The following CALN1 variants were observed in gnomAD, a reference collection of about 807,000 sequenced individuals.
The protein encoded by CALN1 is calneuron 1, also known as calcium-binding protein 8.
A neutral mutation model predicts 30.6 loss-of-function variants in CALN1; 17 were observed. That is an observed-to-expected ratio of 0.56 (90% CI 0.38 to 0.83). The LOEUF is 0.83. Ranked by LOEUF, CALN1 falls within the 40% of genes least tolerant of loss-of-function variation. The probability of loss-of-function intolerance (pLI) is 0.00; values close to 1 mark genes in which losing one functional copy is unlikely to be tolerated. For synonymous variants in CALN1, 156 were observed against 131.4 expected (o/e 1.19, Z -1.28); for missense variants, 291 against 354.9 (o/e 0.82, Z 1.45).
intron 1 of CALN1, among the ~76,000 whole-genome samples, chr7:72,434,552 A>C (rs1023494178): frequency 1.2e-4 from 18 of 151,582 alleles, no homozygotes; most frequent in African/African-American, 3.9e-4. Flanking sequence ...AAGGAGAAGG[A>C]GGGGAAGAGG....
chr7:72,052,255 T>C (rs944508347), intron 4 of CALN1, among the ~76,000 whole-genome samples: 2 of 152,088 alleles, frequency 1.3e-5, no homozygotes, highest in Non-Finnish European at 2.9e-5. Context: ...AATGCGGAGT[T>C]AAGGGGCTGT....
At chr7:71,982,461 G>T (rs749006258) in intron 5 of CALN1, among the ~76,000 whole-genome samples, 1 of 152,150 alleles carries the variant, frequency 6.6e-6, no homozygotes, top group Non-Finnish European at 1.5e-5. Context: ...GGGCATGGCA[G>T]TAGGTGCCTG....
intron 1 of CALN1, among the ~76,000 whole-genome samples, chr7:72,404,442 T>C (rs1273210206): frequency 6.6e-6 from 1 of 152,338 alleles, no homozygotes; most frequent in South Asian, 2.1e-4. Context: ...ACAAAGACTC[T>C]CTTGAGATGT....
At chr7:72,475,428 C>T in the CALN1 span, among the ~76,000 whole-genome samples, 3 of 151,970 alleles carry the variant, frequency 2.0e-5, no homozygotes, top group South Asian at 2.1e-4. Context: ...CACTGCACTC[C>T]GGCCTGGGCG....
At chr7:71,999,744 C>T (rs1206379868) in intron 5 of CALN1, among the ~76,000 whole-genome samples, 1 of 152,052 alleles carries the variant, frequency 6.6e-6, no homozygotes, top group Non-Finnish European at 1.5e-5. Context: ...AACTTCTGAC[C>T]TCAAGTGATC....
chr7:71,816,072 G>A (rs1788250460), intron 5 of CALN1, among the ~76,000 whole-genome samples: 1 of 149,424 alleles, frequency 6.7e-6, no homozygotes, highest in Non-Finnish European at 1.5e-5. Context: ...GTCTTGCTAT[G>A]TTGCCCAAGC....
chr7:72,338,523 G>GTCTT (rs879874447), intron 2 of CALN1, among the ~76,000 whole-genome samples: 2 of 146,200 alleles, frequency 1.4e-5, no homozygotes, highest in African/African-American at 5.3e-5. Context: ...GTGTGTGTGT[G>GTCTT]TGTGTCTCAC....
At chr7:72,054,008 T>C (rs1563014648) in intron 4 of CALN1, among the ~76,000 whole-genome samples, 3 of 152,168 alleles carry the variant, frequency 2.0e-5, no homozygotes, top group East Asian at 1.9e-4. Context: ...ATCGTATATA[T>C]AGATATATAC....
chr7:72,369,359 T>TTGTTTTTGTTG (rs1554390884), intron 2 of CALN1, among the ~76,000 whole-genome samples: 1 of 146,714 alleles, frequency 6.8e-6, no homozygotes, highest in Non-Finnish European at 1.5e-5. Context: ...TATTTATTTT[T>TTGTTTTTGTTG]TTGTTGTTGT....
At chr7:71,837,329 A>C (rs1789682976) in intron 5 of CALN1, among the ~76,000 whole-genome samples, 1 of 150,928 alleles carries the variant, frequency 6.6e-6, no homozygotes, top group Non-Finnish European at 1.5e-5. Context: ...AATTTAATAG[A>C]TGTCTAGCCT....
At chr7:72,065,668 T>C (rs1803971563) in intron 4 of CALN1, among the ~76,000 whole-genome samples, 3 of 152,040 alleles carry the variant, frequency 2.0e-5, no homozygotes, top group Admixed American at 1.3e-4. Flanking sequence ...CCACGCTTCA[T>C]CTGTGTGGAA....
rs777521298 is a variant in CALN1 at position 72,225,709 on chromosome 7, G to A, written c.244+52977C>T. Among the ~76,000 whole-genome samples the A allele has an allele frequency of 3.3e-5, 5 of 152,130 alleles. No homozygotes were observed. The South Asian group carries it at 1.0e-3, about 31-fold the overall frequency. ...TTCCTCACTTCCATGTGCTCTTTGC[G>A]AGAAAATCAAACTCAGCTGTTTCTG... On this transcript the variant is annotated intron_variant, in intron 3 of 6. Transcript: ENST00000395275.
intron 2 of CALN1, among the ~76,000 whole-genome samples, chr7:72,375,977 G>C (rs1804531834): frequency 6.6e-6 from 1 of 152,052 alleles, no homozygotes; most frequent in Non-Finnish European, 1.5e-5. Context: ...GCCTATTCTA[G>C]ATATATCTCA....
upstream of CALN1, among the ~76,000 whole-genome samples, chr7:72,447,698 C>T (rs931428173): frequency 5.3e-5 from 8 of 152,016 alleles, no homozygotes; most frequent in South Asian, 4.2e-4. Flanking sequence ...ATTATACATA[C>T]GTGCCTGCCC....
chr7:72,357,879 G>A (rs77347768), intron 2 of CALN1, among the ~76,000 whole-genome samples: 3 of 146,662 alleles, frequency 2.0e-5, no homozygotes, highest in Admixed American at 6.8e-5. Context: ...TTTTTTTTTA[G>A]ATGGAGTCCC....
chr7:72,066,929 G>A (rs1156698869), intron 4 of CALN1, among the ~76,000 whole-genome samples: 4 of 151,832 alleles, frequency 2.6e-5, no homozygotes, highest in African/African-American at 4.8e-5. Context: ...TTACAGGCAC[G>A]TGCCACCATG....
At chr7:72,358,445 C>T (rs1803369379) in intron 2 of CALN1, among the ~76,000 whole-genome samples, 1 of 150,180 alleles carries the variant, frequency 6.7e-6, no homozygotes, top group Non-Finnish European at 1.5e-5. Context: ...TCAGCTCTCC[C>T]TTCCCGCAGA....
intron 5 of CALN1, among the ~76,000 whole-genome samples, chr7:71,965,427 A>C (rs1472591313): frequency 6.6e-6 from 1 of 152,220 alleles, no homozygotes; most frequent in African/African-American, 2.4e-5. Flanking sequence ...AGAAGGTGCC[A>C]ACCTTCTGTA....
At chr7:72,490,760 C>T in the CALN1 span, among the ~76,000 whole-genome samples, 1 of 152,166 alleles carries the variant, frequency 6.6e-6, no homozygotes. Flanking sequence ...CACCCTTCCA[C>T]CATGATTGTA....
Sources: allele counts gnomAD v4.1 joint callset (sites outside exome capture counted in the v4.1 genomes callset), GRCh38; gene constraint gnomAD v4.1.1; transcripts MANE v1.5; gene names NCBI Gene and HGNC (gene_info 2026-07-23, HGNC 2026-07-21).